Variants in ZNF536 observed in about 807,000 individuals in gnomAD.
The protein encoded by ZNF536 is zinc finger protein 536.
In ZNF536, 13 loss-of-function variants were observed where a neutral mutation model predicts 84.5. The ratio of observed to expected loss-of-function variants is 0.15; its 90% CI spans 0.10 to 0.24. The LOEUF is 0.24. Among genes scored for constraint, ZNF536 ranks in the 10% least tolerant of loss-of-function variants. The pLI is 1.00. For synonymous variants in ZNF536, 811 were observed against 742.5 expected, an observed-to-expected ratio of 1.09 and a Z score of -1.50; for missense variants, 1,536 against 1,747.5, an observed-to-expected ratio of 0.88 and a Z score of 2.16.
intron 2 of ZNF536, among the ~76,000 whole-genome samples, chr19:30,494,961 A>AG (rs1331730694): frequency 2.6e-5 from 4 of 151,212 alleles, no homozygotes; most frequent in Admixed American, 1.3e-4. Context: ...AGAAAAAAAA[A>AG]AAAAAAAAAG....
Position 30,363,427 on chromosome 19 carries a change from G to A in ZNF536, c.-3+10943G>A, listed in dbSNP as rs185418292. 2.1e-4 allele frequency among the ~76,000 whole-genome samples: 32 copies of A among 152,254 alleles called. No individual in the cohort carries two copies. In the East Asian group the frequency reaches 4.1e-3, roughly 19 times the overall value. On this transcript the variant is annotated intron_variant, in intron 3 of 5. Transcript: ENST00000585628. ...AACTGACAACTGAGCCTAAAAGGAC[G>A]TTGCCTGTAGGGAAGTAAGGTGCGC...
intron 1 of ZNF536, among the ~76,000 whole-genome samples, chr19:30,415,196 T>TG (rs2050665820): frequency 1.5e-5 from 1 of 66,458 alleles, no homozygotes; most frequent in Non-Finnish European, 2.7e-5. Context: ...CCCCTCCTCC[T>TG]CTTCTCCCTC....
At chr19:30,655,681 C>T (rs62103451) in intron 1 of ZNF536, among the ~76,000 whole-genome samples, 3 of 152,118 alleles carry the variant, frequency 2.0e-5, no homozygotes, top group African/African-American at 7.2e-5. Flanking sequence ...ACAGATTTAT[C>T]CAAGGGAGGA....
chr19:30,682,651 G>T (rs537445693), intron 1 of ZNF536, among the ~76,000 whole-genome samples: 17 of 152,326 alleles, frequency 1.1e-4, no homozygotes, highest in East Asian at 3.9e-4. Context: ...TCCTGGATCT[G>T]CAGAGATGGT....
chr19:30,621,020 G>A (rs1001596420), intron 1 of ZNF536, among the ~76,000 whole-genome samples: 1 of 152,020 alleles, frequency 6.6e-6, no homozygotes, highest in Non-Finnish European at 1.5e-5. Flanking sequence ...TAGATACAGA[G>A]CATCAGACAA....
chr19:30,237,510 T>C (rs1028450755), intron 1 of ZNF536, among the ~76,000 whole-genome samples: 1 of 152,176 alleles, frequency 6.6e-6, no homozygotes, highest in Non-Finnish European at 1.5e-5. Flanking sequence ...CTGATCTTCA[T>C]CTCAAAGGTA....
At chr19:30,549,563 G>C (rs2146262245) in intron 4 of ZNF536, 49 bp downstream of exon 4, 1 of 1,441,904 alleles carries the variant, frequency 6.9e-7, no homozygotes, top group Non-Finnish European at 9.1e-7. Context: ...AAACATCAGT[G>C]CTGAATTGTG....
chr19:30,351,114 G>A (rs2047917504), intron 2 of ZNF536, among the ~76,000 whole-genome samples: 1 of 152,150 alleles, frequency 6.6e-6, no homozygotes, highest in South Asian at 2.1e-4. Context: ...CAGTTTAAGA[G>A]GTATGACATT....
intron 4 of ZNF536, among the ~76,000 whole-genome samples, chr19:30,551,810 C>A (rs927962768): frequency 6.6e-6 from 1 of 152,214 alleles, no homozygotes; most frequent in African/African-American, 2.4e-5. Flanking sequence ...GGAAAAGACC[C>A]TCCCTGGCTC....
At chr19:30,442,647 C>G (rs1216146441) in intron 1 of ZNF536, among the ~76,000 whole-genome samples, 1 of 152,230 alleles carries the variant, frequency 6.6e-6, no homozygotes, top group Admixed American at 6.5e-5. Context: ...CTTCAACAAT[C>G]TGCTAAGATT....
chr19:30,525,243 C>T (rs977509212), intron 2 of ZNF536, among the ~76,000 whole-genome samples: 1 of 152,156 alleles, frequency 6.6e-6, no homozygotes, highest in Non-Finnish European at 1.5e-5. Context: ...CATCCCCAGG[C>T]CTCCTCACCC....
At chr19:30,301,775 G>A (rs985504923) in intron 2 of ZNF536, among the ~76,000 whole-genome samples, 1 of 151,950 alleles carries the variant, frequency 6.6e-6, no homozygotes, top group African/African-American at 2.4e-5. Context: ...TAATATTAAA[G>A]AGCTTGGCCA....
chr19:30,694,060 A>G (rs879409841), intron 1 of ZNF536, among the ~76,000 whole-genome samples: 3 of 152,126 alleles, frequency 2.0e-5, no homozygotes, highest in Admixed American at 6.5e-5. Context: ...TCCACAGATA[A>G]CCTTGGATGC....
At chr19:30,404,995 A>G (rs557121940) in intron 1 of ZNF536, among the ~76,000 whole-genome samples, 3 of 152,292 alleles carry the variant, frequency 2.0e-5, no homozygotes, top group East Asian at 1.9e-4. Flanking sequence ...CCAGTTTATT[A>G]TCAACAATAT....
At chr19:30,690,646 G>A (rs1365694901) in intron 1 of ZNF536, among the ~76,000 whole-genome samples, 2 of 152,138 alleles carry the variant, frequency 1.3e-5, no homozygotes, top group African/African-American at 4.8e-5. Context: ...TCAGAGAGGA[G>A]GGGTTTGGAG....
chr19:30,499,033 C>CTTT (rs36068422), intron 2 of ZNF536, among the ~76,000 whole-genome samples: 1 of 134,454 alleles, frequency 7.4e-6, no homozygotes, highest in African/African-American at 2.6e-5. Flanking sequence ...TCTTTTTCTT[C>CTTT]TTTTTTTTTT....
chr19:30,267,949 TATG>T (rs1179780132), intron 1 of ZNF536, among the ~76,000 whole-genome samples: 1 of 152,022 alleles, frequency 6.6e-6, no homozygotes, highest in Non-Finnish European at 1.5e-5. Flanking sequence ...CTTATTTGTT[TATG>T]ATATCTGTTC....
chr19:30,658,220 T>G (rs896104005), intron 1 of ZNF536, among the ~76,000 whole-genome samples: 1 of 152,088 alleles, frequency 6.6e-6, no homozygotes, highest in African/African-American at 2.4e-5. Context: ...CAGGGATTCA[T>G]CATATTGGCC....
At chr19:30,366,222 G>T (rs540898543) in intron 3 of ZNF536, among the ~76,000 whole-genome samples, 1 of 152,264 alleles carries the variant, frequency 6.6e-6, no homozygotes, top group Non-Finnish European at 1.5e-5. Flanking sequence ...GCTGGGCAAT[G>T]CTTTCTGGCT....
Sources: allele counts gnomAD v4.1 joint callset (sites outside exome capture counted in the v4.1 genomes callset), GRCh38; gene constraint gnomAD v4.1.1; transcripts MANE v1.5; gene names NCBI Gene and HGNC (gene_info 2026-07-23, HGNC 2026-07-21).